PIK3C2G: variants seen among roughly 807,000 people sequenced by gnomAD.
The protein encoded by PIK3C2G is phosphatidylinositol 3-kinase C2 domain-containing subunit gamma.
PIK3C2G carries 168 observed loss-of-function variants against 181.1 expected under a neutral mutation model. The ratio of observed to expected loss-of-function variants is 0.93; its 90% CI spans 0.82 to 1.05. The LOEUF is 1.05. PIK3C2G is among the 50% of genes least tolerant of loss of function. The pLI, the probability that PIK3C2G is intolerant of heterozygous loss-of-function variation, is 0.00. For missense variants in PIK3C2G, 1,869 were observed against 1,732.8 expected, an observed-to-expected ratio of 1.08 and a Z score of -1.40; for synonymous variants, 573 against 592.2, an observed-to-expected ratio of 0.97 and a Z score of 0.47.
chr12:18,665,042 A>G, the PIK3C2G span, among the ~76,000 whole-genome samples: 11 of 150,536 alleles, frequency 7.3e-5, no homozygotes, highest in African/African-American at 2.7e-4. Context: ...AGCATTAGGA[A>G]ATATACCTAA....
intron 5 of PIK3C2G, among the ~76,000 whole-genome samples, chr12:18,304,301 G>A (rs1950328797): frequency 6.6e-6 from 1 of 152,014 alleles, no homozygotes; most frequent in Non-Finnish European, 1.5e-5. Context: ...CTGTCACCCA[G>A]GCTGGAGTGC....
intron 1 of PIK3C2G, among the ~76,000 whole-genome samples, chr12:18,277,673 C>T (rs987682385): frequency 1.3e-5 from 2 of 152,142 alleles, no homozygotes; most frequent in African/African-American, 4.8e-5. Context: ...CAAACATTCT[C>T]AGAAAGGTTC....
intron 13 of PIK3C2G, among the ~76,000 whole-genome samples, chr12:18,374,278 G>A (rs1215272408): frequency 6.6e-6 from 1 of 152,142 alleles, no homozygotes; most frequent in Non-Finnish European, 1.5e-5. Context: ...TTCAAAAAAG[G>A]CCTAAAATAA....
intron 16 of PIK3C2G, among the ~76,000 whole-genome samples, chr12:18,406,677 A>T (rs1944551313): frequency 6.6e-6 from 1 of 152,190 alleles, no homozygotes. Flanking sequence ...GCAAAATGGG[A>T]TGGTACTAAC....
At position 18,458,808 on chromosome 12, in the gene PIK3C2G, G is replaced by A. The variant is rs142805697; in HGVS notation, c.2505-29641G>A. Among the ~76,000 whole-genome samples, 1,186 of 150,886 alleles carry A rather than the reference G, an allele frequency of 7.9e-3. 13 individuals carry two copies. Among genetic ancestry groups the A allele is most frequent in the African/African-American group, 0.027 (1,127 of 41,090 alleles). ...GTAAGGGTCATGCAGCAAGCATGAC[G>A]ATGGCTTCTAGTTGCTGAAAGTGGC... On this transcript the variant is annotated intron_variant, in intron 18 of 32. Coordinates refer to ENST00000538779, the MANE Select transcript of PIK3C2G (RefSeq NM_001288772.2).
At position 18,558,822 on chromosome 12, in the gene PIK3C2G, A is replaced by G. The variant is rs115493930; in HGVS notation, c.3591-3881A>G. ...CCCATACTTCCTCTCCTTATTTCCT[A>G]TTTTCTTTTATAATACATATTACTT... is the stretch of plus-strand genomic sequence containing the variant. On this transcript the variant is annotated intron_variant, in intron 26 of 32. Transcript: ENST00000538779. Among the ~76,000 whole-genome samples the G allele has an allele frequency of 5.9e-3, 898 of 151,974 alleles. 5 individuals are homozygous for G. Among genetic ancestry groups the G allele is most frequent in the African/African-American group, 0.021 (854 of 41,458 alleles).
chr12:18,534,735 T>C (rs780669812), intron 24 of PIK3C2G, among the ~76,000 whole-genome samples: 8 of 151,396 alleles, frequency 5.3e-5, no homozygotes, highest in East Asian at 3.9e-4. Context: ...TTTGGGTTAA[T>C]TGGAGAAGAC....
chr12:18,436,241 A>G (rs1406255674), intron 18 of PIK3C2G, among the ~76,000 whole-genome samples: 3 of 152,084 alleles, frequency 2.0e-5, no homozygotes, highest in African/African-American at 7.2e-5. Context: ...AAGAGTAAAG[A>G]GAATGTCTCT....
chr12:18,311,620 TAC>T (rs1211354048), intron 5 of PIK3C2G, among the ~76,000 whole-genome samples: 2 of 152,076 alleles, frequency 1.3e-5, no homozygotes, highest in Non-Finnish European at 2.9e-5. Context: ...CATACATGTA[TAC>T]ACACACGTTT....
intron 30 of PIK3C2G, among the ~76,000 whole-genome samples, chr12:18,600,343 T>A (rs1947639891): frequency 6.6e-6 from 1 of 152,014 alleles, no homozygotes; most frequent in Admixed American, 6.5e-5. Context: ...CAGAAAAAAT[T>A]TGCAAAATTT....
chr12:18,690,739 T>C, the PIK3C2G span, among the ~76,000 whole-genome samples: 2 of 151,970 alleles, frequency 1.3e-5, no homozygotes, highest in Non-Finnish European at 2.9e-5. Context: ...TGAGTCAAAA[T>C]GAAATAGGCA....
chr12:18,701,603 T>G, the PIK3C2G span: 1 of 1,592,740 alleles, frequency 6.3e-7, no homozygotes, highest in East Asian at 2.3e-5. Context: ...ATTCTTTGAA[T>G]TTATCCTCCT....
the PIK3C2G span, among the ~76,000 whole-genome samples, chr12:18,700,512 C>CAAAAAAAAAAAAAAAAAAAAAAAAAAAAA: frequency 1.5e-5 from 1 of 67,896 alleles, no homozygotes; most frequent in Non-Finnish European, 2.5e-5. Flanking sequence ...AGCCAACGTA[C>CAAAAAAAAAAAAAAAAAAAAAAAAAAAAA]AAAAAAAAAA....
At chr12:18,677,940 G>T in the PIK3C2G span, among the ~76,000 whole-genome samples, 3 of 152,056 alleles carry the variant, frequency 2.0e-5, no homozygotes, top group Non-Finnish European at 4.4e-5. Flanking sequence ...TGGTGTGTTT[G>T]TGTGTGTGGA....
Position 18,640,454 on chromosome 12 carries a change from G to A in PIK3C2G, c.4208G>A (p.Ser1403Asn). The A allele has an allele frequency of 6.2e-7, 1 of 1,610,444 alleles. No homozygotes were observed. The highest frequency in any genetic ancestry group is 8.5e-7 in the Non-Finnish European group (1 of 1,177,960). Residue 1403 changes from serine (S) to asparagine (N), a missense_variant, in exon 32 of 33, where the codon AGT (serine) becomes AAT (asparagine). Coordinates refer to ENST00000538779, the MANE Select transcript of PIK3C2G (RefSeq NM_001288772.2). ...NIHLPDGSAP[S>N]AHVEFYLLPY... is the part of the protein sequence containing the mutation. ...CATCTCCCAGATGGCTCTGCGCCCA[G>A]TGCACATGTTGAATTTTATCTTTTA... is the stretch of plus-strand genomic sequence containing the variant.
chr12:18,715,744 A>G, the PIK3C2G span: 1 of 152,174 alleles, frequency 6.6e-6, no homozygotes, highest in Non-Finnish European at 1.5e-5. Flanking sequence ...GCAAGTCATC[A>G]TCCCACTTCA....
chr12:18,398,625 T>C (rs1219984489), intron 15 of PIK3C2G, among the ~76,000 whole-genome samples: 1 of 152,198 alleles, frequency 6.6e-6, no homozygotes, highest in African/African-American at 2.4e-5. Context: ...TGAATACTTC[T>C]ACTGGAGTGT....
At chr12:18,354,372 G>A (rs529329426) in intron 11 of PIK3C2G, among the ~76,000 whole-genome samples, 11 of 152,182 alleles carry the variant, frequency 7.2e-5, no homozygotes, top group African/African-American at 1.4e-4. Flanking sequence ...GGGAGAACCC[G>A]GAGGAGCAGG....
chr12:18,470,929 T>C (rs1464877070), intron 18 of PIK3C2G, among the ~76,000 whole-genome samples: 2 of 152,172 alleles, frequency 1.3e-5, no homozygotes, highest in Non-Finnish European at 2.9e-5. Flanking sequence ...ATTTACTTTA[T>C]TTCAAAGTTT....
Sources: gnomAD v4.1 joint callset for allele counts (sites outside exome capture counted in the v4.1 genomes callset) on GRCh38, gnomAD v4.1.1 for gene constraint, MANE v1.5 for transcripts, NCBI Gene and HGNC (gene_info 2026-07-23, HGNC 2026-07-21) for gene names.